HCK: variants seen among roughly 807,000 people sequenced by gnomAD.
The protein encoded by HCK is HCK proto-oncogene, Src family tyrosine kinase.
In HCK, 40 loss-of-function variants were observed where a neutral mutation model predicts 70.4. That is an observed-to-expected ratio of 0.57 (90% confidence interval 0.44 to 0.74). HCK has a LOEUF of 0.74. Ranked by LOEUF, HCK falls within the 30% of genes least tolerant of loss-of-function variation. The probability of loss-of-function intolerance (pLI) is 0.00; values close to 1 mark genes in which losing one functional copy is unlikely to be tolerated. For missense variants in HCK, 568 were observed against 697.2 expected (o/e 0.81, Z 2.09); for synonymous variants, 245 against 263.2 (o/e 0.93, Z 0.67).
chr20:32,096,510 A>AG (rs1390585992), intron 11 of HCK, among the ~76,000 whole-genome samples: 1 of 151,690 alleles, frequency 6.6e-6, no homozygotes. Flanking sequence ...AAAAAAAAAA[A>AG]AAAAAAAAAA....
intron 8 of HCK, 31 bp from the exon 9 acceptor site, chr20:32,086,597 A>G: frequency 6.4e-7 from 1 of 1,566,888 alleles, no homozygotes; most frequent in Non-Finnish European, 8.6e-7. Flanking sequence ...GTGGGCTCTG[A>G]CCACCTTCCC....
chr20:32,083,866 C>G (rs988808611), intron 6 of HCK, 28 bp from the exon 7 acceptor site: 5 of 1,613,830 alleles, frequency 3.1e-6, no homozygotes, highest in Admixed American at 3.3e-5. Context: ...AGATGCCATT[C>G]TGAGGGGTTT....
Position 32,096,814 on chromosome 20 carries a change from A to T in HCK, c.1247-2190A>T, listed in dbSNP as rs2045962985. 2.6e-5 allele frequency among the ~76,000 whole-genome samples: 4 copies of T among 152,022 alleles called. 1 individual carries two copies. The South Asian group carries it at 8.3e-4, about 32-fold the overall frequency. On this transcript the variant is annotated intron_variant, in intron 11 of 12. Transcript: ENST00000375852. ...ACTATGCACAGGCTGCAGTCACCTT[A>T]AGTAAGGGGGTATTAACTGGAAGGA...
At chr20:32,080,919 C>A (rs2045701218) in intron 6 of HCK, among the ~76,000 whole-genome samples, 1 of 152,054 alleles carries the variant, frequency 6.6e-6, no homozygotes, top group Non-Finnish European at 1.5e-5. Context: ...GAGACCCCAT[C>A]TGTATGAAAA....
intron 10 of HCK, among the ~76,000 whole-genome samples, chr20:32,093,440 TC>T (rs944542657): frequency 2.3e-4 from 35 of 151,818 alleles, no homozygotes; most frequent in Admixed American, 2.0e-3. Context: ...ACCTGGGTTG[TC>T]CCCAGAAAGA....
chr20:32,074,533 G>A (rs1480429747), intron 4 of HCK, 90 bp from the exon 5 acceptor site: 1 of 905,262 alleles, frequency 1.1e-6, no homozygotes, highest in Non-Finnish European at 1.8e-6. Context: ...TCTGGAGGCA[G>A]GGAGTTTTCT....
intron 5 of HCK, 149 bp downstream of exon 5, chr20:32,074,870 G>T (rs1600722139): frequency 3.3e-6 from 2 of 610,948 alleles, no homozygotes; most frequent in Non-Finnish European, 5.9e-6. Flanking sequence ...CTTCCTTCAG[G>T]TTTCATCCTT....
At chr20:32,088,706 T>C (rs987307231) in intron 10 of HCK, 62 bp downstream of exon 10, 50 of 1,221,728 alleles carry the variant, frequency 4.1e-5, no homozygotes, top group Non-Finnish European at 5.9e-5. Context: ...ACTTGCCAAA[T>C]ATTTACTGAC....
rs183460221 is a variant in HCK at position 32,068,159 on chromosome 20, G to A, written c.63-3503G>A. Among the ~76,000 whole-genome samples, 942 of 151,976 alleles carry A rather than the reference G, an allele frequency of 6.2e-3. 9 individuals are homozygous for A. Among genetic ancestry groups the A allele is most frequent in the Non-Finnish European group, 7.2e-3 (486 of 67,962 alleles). On this transcript the variant is annotated intron_variant, in intron 1 of 12. Transcript: ENST00000375852. ...TAAAAAATACAAAAATTAGCCAGGC[G>A]TAGTGGCACATGCCTGTAATCCCAG...
chr20:32,060,016 G>A (rs943611727), intron 1 of HCK, among the ~76,000 whole-genome samples: 1 of 152,118 alleles, frequency 6.6e-6, no homozygotes, highest in East Asian at 1.9e-4. Flanking sequence ...GGACAGGTTT[G>A]GGGGCAGCTG....
At chr20:32,094,807 AAGAAAGAAAGAAAG>A (rs1050454715) in intron 11 of HCK, among the ~76,000 whole-genome samples, 5 of 89,256 alleles carry the variant, frequency 5.6e-5, no homozygotes, top group African/African-American at 1.7e-4. Context: ...GAAAGAAAGA[AAGAAAGAAAGAAAG>A]AAAGAAAGAA....
intron 11 of HCK, among the ~76,000 whole-genome samples, chr20:32,094,705 AAAAGAAAGAAAGAAAGAAAGAAAG>A (rs71185377): frequency 0.019 from 1,406 of 74,912 alleles, 34 homozygotes; most frequent in Middle Eastern, 0.035. Flanking sequence ...AAAAGAAAAG[AAAAGAAAGAAAGAAAGAAAGAAAG>A]AAAGAAAGAA....
chr20:32,063,376 C>CT (rs2045408534), intron 1 of HCK, among the ~76,000 whole-genome samples: 1 of 152,160 alleles, frequency 6.6e-6, no homozygotes, highest in East Asian at 1.9e-4. Context: ...CCTCAGCCTC[C>CT]CAAGTAGCTG....
chr20:32,099,240 A>C (rs1287523849), intron 12 of HCK, 105 bp downstream of exon 12: 1 of 1,216,284 alleles, frequency 8.2e-7, no homozygotes, highest in Admixed American at 2.0e-5. Context: ...CCTCACCCCC[A>C]ACCTTCCCTC....
chr20:32,086,889 T>C, intron 9 of HCK, 82 bp downstream of exon 9: 1 of 1,338,802 alleles, frequency 7.5e-7, no homozygotes, highest in Non-Finnish European at 1.0e-6. Flanking sequence ...GACATGGTTC[T>C]TGCCCTTGAG....
At chr20:32,061,454 G>A (rs1401770326) in intron 1 of HCK, among the ~76,000 whole-genome samples, 3 of 152,196 alleles carry the variant, frequency 2.0e-5, no homozygotes, top group African/African-American at 7.2e-5. Flanking sequence ...CAGCTGAGCC[G>A]CTGATCAATT....
intron 6 of HCK, among the ~76,000 whole-genome samples, chr20:32,082,130 AT>A (rs1600728855): frequency 6.6e-6 from 1 of 152,116 alleles, no homozygotes; most frequent in Non-Finnish European, 1.5e-5. Flanking sequence ...TAGGTGAGTT[AT>A]TTCACCTCTC....
chr20:32,090,749 C>T (rs17259459), intron 10 of HCK, among the ~76,000 whole-genome samples: 32,822 of 152,050 alleles, frequency 0.22, 3,913 homozygotes, highest in South Asian at 0.29. Flanking sequence ...ACACCTGGGC[C>T]CAATAAACCT....
intron 1 of HCK, among the ~76,000 whole-genome samples, chr20:32,053,449 C>A (rs1312458478): frequency 6.6e-6 from 1 of 151,574 alleles, no homozygotes; most frequent in Non-Finnish European, 1.5e-5. Flanking sequence ...ACCAGCCTGG[C>A]CAACATGGTG....
Sources: allele counts gnomAD v4.1 joint callset (sites outside exome capture counted in the v4.1 genomes callset), GRCh38; gene constraint gnomAD v4.1.1; transcripts MANE v1.5; gene names NCBI Gene and HGNC (gene_info 2026-07-23, HGNC 2026-07-21).